The following LAMA2 variants were observed in gnomAD, a reference collection of about 807,000 sequenced individuals.
The protein encoded by LAMA2 is laminin subunit alpha-2.
LAMA2 carries 269 observed loss-of-function variants against 364.8 expected under a neutral mutation model. The ratio of observed to expected loss-of-function variants is 0.74; its 90% CI spans 0.67 to 0.82. The LOEUF (loss-of-function observed/expected upper bound fraction) is 0.82, where lower values mean the gene tolerates loss of function less well. LAMA2 is among the 40% of genes least tolerant of loss of function. The pLI, the probability that LAMA2 is intolerant of heterozygous loss-of-function variation, is 0.00. For missense variants in LAMA2, 3,807 were observed against 3,873.2 expected (o/e 0.98, Z 0.45); for synonymous variants, 1,379 against 1,370.6 (o/e 1.01, Z -0.14).
At chr6:129,479,803 T>G (rs1017872065) in intron 54 of LAMA2, 1 of 152,170 alleles carries the variant, frequency 6.6e-6, no homozygotes, top group Admixed American at 6.5e-5. Context: ...TTTCAGGATC[T>G]TCATTGTTCA....
intron 32 of LAMA2, among the ~76,000 whole-genome samples, chr6:129,362,924 T>C (rs1777548821): frequency 6.6e-6 from 1 of 152,196 alleles, no homozygotes; most frequent in South Asian, 2.1e-4. Flanking sequence ...AAAGGACCTC[T>C]TCCAAATCCT....
intron 12 of LAMA2, among the ~76,000 whole-genome samples, chr6:129,245,013 A>T (rs1785651663): frequency 6.6e-6 from 1 of 152,118 alleles, no homozygotes; most frequent in Admixed American, 6.6e-5. Context: ...TTCTTTTCTT[A>T]ATGGGGTGAA....
intron 34 of LAMA2, among the ~76,000 whole-genome samples, chr6:129,382,032 C>G: frequency 6.6e-6 from 1 of 152,160 alleles, no homozygotes; most frequent in East Asian, 1.9e-4. Context: ...ACATTTAGTT[C>G]TATTTAAAAT....
chr6:128,913,413 T>G (rs938704766), intron 1 of LAMA2, among the ~76,000 whole-genome samples: 1 of 152,202 alleles, frequency 6.6e-6, no homozygotes, highest in Admixed American at 6.5e-5. Context: ...AAAGATCAGT[T>G]TCACTAACTC....
chr6:128,994,371 A>G (rs1322892813), intron 1 of LAMA2, among the ~76,000 whole-genome samples: 3 of 152,218 alleles, frequency 2.0e-5, no homozygotes, highest in Non-Finnish European at 4.4e-5. Flanking sequence ...GATCTCCATC[A>G]TACCATATAC....
At chr6:129,452,681 G>A (rs1202165064) in intron 45 of LAMA2, among the ~76,000 whole-genome samples, 2 of 152,106 alleles carry the variant, frequency 1.3e-5, no homozygotes, top group South Asian at 2.1e-4. Context: ...TGCCTAAAAC[G>A]TTCCCATATT....
At chr6:129,506,090 C>T (rs980866544) in intron 61 of LAMA2, among the ~76,000 whole-genome samples, 12 of 151,990 alleles carry the variant, frequency 7.9e-5, no homozygotes, top group Admixed American at 3.3e-4. Flanking sequence ...TGGTGGCTCA[C>T]ACCTGTAATC....
intron 32 of LAMA2, among the ~76,000 whole-genome samples, chr6:129,364,113 A>G (rs946110551): frequency 7.2e-5 from 11 of 152,038 alleles, no homozygotes; most frequent in Non-Finnish European, 1.5e-4. Flanking sequence ...GTCACCTGCA[A>G]GAAGCTGCAG....
intron 9 of LAMA2, among the ~76,000 whole-genome samples, chr6:129,173,966 C>G (rs1780391864): frequency 6.6e-6 from 1 of 152,038 alleles, no homozygotes; most frequent in Non-Finnish European, 1.5e-5. Flanking sequence ...GATAGTATAT[C>G]ATTTTTTAAT....
intron 1 of LAMA2, among the ~76,000 whole-genome samples, chr6:129,027,378 A>G (rs1785898012): frequency 2.0e-5 from 3 of 152,080 alleles, no homozygotes; most frequent in Admixed American, 2.0e-4. Flanking sequence ...AGGTACACAT[A>G]CATATCTCTG....
intron 2 of LAMA2, among the ~76,000 whole-genome samples, chr6:129,054,497 G>A (rs966483081): frequency 7.9e-5 from 12 of 152,258 alleles, no homozygotes; most frequent in Admixed American, 3.3e-4. Context: ...GGCATGAACG[G>A]AGTTGTGGGG....
chr6:129,428,331 G>T (rs1781425887), intron 41 of LAMA2, among the ~76,000 whole-genome samples: 1 of 152,218 alleles, frequency 6.6e-6, no homozygotes, highest in East Asian at 1.9e-4. Context: ...CTACTTGGAA[G>T]GCTGAGCCAG....
At chr6:129,116,666 C>T (rs1410143123) in intron 4 of LAMA2, among the ~76,000 whole-genome samples, 1 of 151,014 alleles carries the variant, frequency 6.6e-6, no homozygotes, top group African/African-American at 2.4e-5. Flanking sequence ...TTAACAGTTT[C>T]AGAGAAACAA....
chr6:129,059,998 T>C (rs1248560718), intron 3 of LAMA2, 102 bp downstream of exon 3: 1 of 723,104 alleles, frequency 1.4e-6, no homozygotes, highest in African/African-American at 1.8e-5. Flanking sequence ...CTCTTTCTTA[T>C]CACTCTCCAT....
At chr6:129,029,859 CT>C (rs1786100536) in intron 1 of LAMA2, among the ~76,000 whole-genome samples, 1 of 151,978 alleles carries the variant, frequency 6.6e-6, no homozygotes, top group Non-Finnish European at 1.5e-5. Flanking sequence ...TCTGGGGCTA[CT>C]TTTTTCTCAG....
chr6:129,339,747 G>A (rs911096096), intron 29 of LAMA2, among the ~76,000 whole-genome samples: 1 of 152,204 alleles, frequency 6.6e-6, no homozygotes, highest in East Asian at 1.9e-4. Context: ...GCTCCCGCCT[G>A]TAATCCCAAC....
chr6:129,077,472 T>C (rs1448914046), intron 3 of LAMA2, among the ~76,000 whole-genome samples: 1 of 152,132 alleles, frequency 6.6e-6, no homozygotes, highest in African/African-American at 2.4e-5. Context: ...CTTTGCAGAT[T>C]TTTTTGTAAA....
chr6:129,472,242 T>A (rs2114821886), intron 51 of LAMA2, among the ~76,000 whole-genome samples: 1 of 152,114 alleles, frequency 6.6e-6, no homozygotes, highest in East Asian at 1.9e-4. Flanking sequence ...AATTCCCTTA[T>A]AACCCACTGG....
rs1018408657 is a variant in LAMA2 at position 129,006,465 on chromosome 6, G to A, written c.113-43453G>A. On this transcript the variant is annotated intron_variant, in intron 1 of 64. Transcript: ENST00000421865. ...GGCAGCATGACCTCTCATCTCTTCC[G>A]TTCTTTCCTCAGCCTTAGTGAAGGG... Among the ~76,000 whole-genome samples the A allele has an allele frequency of 1.1e-4, 16 of 152,122 alleles. No homozygotes were observed. In the South Asian group the frequency reaches 2.5e-3, roughly 24 times the overall value.
Sources: allele counts gnomAD v4.1 joint callset (sites outside exome capture counted in the v4.1 genomes callset), GRCh38; gene constraint gnomAD v4.1.1; transcripts MANE v1.5; gene names NCBI Gene and HGNC (gene_info 2026-07-23, HGNC 2026-07-21).